The following C2CD5 variants were observed in gnomAD, a reference collection of about 807,000 sequenced individuals.
C2CD5 encodes the protein C2 domain-containing protein 5.
C2CD5 carries 109 observed loss-of-function variants against 130.3 expected under a neutral mutation model. The observed-to-expected ratio is 0.84, with a 90% CI of 0.72 to 0.98. The LOEUF (loss-of-function observed/expected upper bound fraction) is 0.98, where lower values mean the gene tolerates loss of function less well. C2CD5 is among the 50% of genes least tolerant of loss of function. The probability of loss-of-function intolerance (pLI) is 0.00; values close to 1 mark genes in which losing one functional copy is unlikely to be tolerated. For missense variants in C2CD5, 996 were observed against 1,261.8 expected (o/e 0.79, Z 3.19); for synonymous variants, 454 against 429.2 (o/e 1.06, Z -0.71).
intron 12 of C2CD5, 140 bp downstream of exon 12, chr12:22,489,983 T>C: frequency 1.8e-6 from 1 of 568,752 alleles, no homozygotes; most frequent in Non-Finnish European, 3.2e-6. Flanking sequence ...AGTTAAAAAT[T>C]AGTGAAGTGC....
At chr12:22,501,870 A>T (rs1947846348) in intron 10 of C2CD5, among the ~76,000 whole-genome samples, 1 of 152,138 alleles carries the variant, frequency 6.6e-6, no homozygotes, top group Admixed American at 6.5e-5. Context: ...ATATTATCTA[A>T]AATTCTGAGC....
At chr12:22,454,258 A>T (rs902711499) in intron 25 of C2CD5, among the ~76,000 whole-genome samples, 4 of 152,136 alleles carry the variant, frequency 2.6e-5, no homozygotes, top group African/African-American at 9.7e-5. Context: ...TACTTTACAG[A>T]TGATAAAACT....
intron 2 of C2CD5, among the ~76,000 whole-genome samples, chr12:22,540,635 G>C (rs532420629): frequency 6.6e-6 from 1 of 152,314 alleles, no homozygotes; most frequent in East Asian, 1.9e-4. Flanking sequence ...AAGGCAGGTG[G>C]ATCACCTGAG....
At chr12:22,521,966 C>T (rs1190265490) in intron 7 of C2CD5, among the ~76,000 whole-genome samples, 2 of 152,150 alleles carry the variant, frequency 1.3e-5, no homozygotes, top group African/African-American at 4.8e-5. Flanking sequence ...CCTGACTATA[C>T]AACTCTGACT....
chr12:22,493,169 T>A, intron 11 of C2CD5, 54 bp downstream of exon 11: 1 of 990,844 alleles, frequency 1.0e-6, no homozygotes, highest in Non-Finnish European at 1.6e-6. Flanking sequence ...TTTTCCCCTT[T>A]CAGATGGCAG....
At chr12:22,542,875 G>A (rs1952537408) in intron 2 of C2CD5, among the ~76,000 whole-genome samples, 1 of 152,172 alleles carries the variant, frequency 6.6e-6, no homozygotes, top group Non-Finnish European at 1.5e-5. Flanking sequence ...GTACAGATCT[G>A]GCAATTATTA....
chr12:22,483,651 C>CT (rs1945048092), intron 13 of C2CD5, among the ~76,000 whole-genome samples: 1 of 151,960 alleles, frequency 6.6e-6, no homozygotes, highest in South Asian at 2.1e-4. Context: ...AATGGAAGGT[C>CT]TAAGATTCAA....
At chr12:22,498,126 A>G (rs571633712) in intron 10 of C2CD5, among the ~76,000 whole-genome samples, 1 of 152,156 alleles carries the variant, frequency 6.6e-6, no homozygotes, top group Non-Finnish European at 1.5e-5. Flanking sequence ...ACATCTGCTC[A>G]TAAGTATCTC....
Position 22,544,302 on chromosome 12 carries a change from C to T in C2CD5, c.-30+18G>A, listed in dbSNP as rs879029276. ...CGCGCGCGGGCGCCCGGCAGTCGCG[C>T]CACGGGTCGCCACTCACTGTCGCAG... is the stretch of plus-strand genomic sequence containing the variant. On this transcript the variant is annotated intron_variant, in intron 1 of 26. Transcript: ENST00000446597. 3.6e-6 allele frequency: 2 copies of T among 558,384 alleles called. No individual in the cohort carries two copies. Among genetic ancestry groups the T allele is most frequent in the East Asian group, 3.4e-5 (1 of 29,804 alleles). 34.6% of individuals were successfully genotyped at this position (558,384 alleles called of 1,614,324 possible).
intron 22 of C2CD5, among the ~76,000 whole-genome samples, chr12:22,462,442 G>GC (rs1388092496): frequency 6.6e-6 from 1 of 152,064 alleles, no homozygotes; most frequent in African/African-American, 2.4e-5. Flanking sequence ...AACCCTGCAA[G>GC]CCCCAAATAA....
rs569552784 is a variant in C2CD5 at position 22,514,206 on chromosome 12, C to CCCATCCCTTT, written c.953-837_953-828dup. On this transcript the variant is annotated intron_variant, in intron 8 of 26. Transcript: ENST00000446597. The stretch of plus-strand genomic sequence containing the variant: ...CAGTGCTCTACAGACTAGAGTTAAT[C>CCCATCCCTTT]CCATCCCTTTCAAAACGTAAGATGC... Among the ~76,000 whole-genome samples the CCCATCCCTTT allele has an allele frequency of 5.3e-5, 8 of 152,206 alleles. No individual in the cohort carries two copies. The South Asian group carries it at 1.2e-3, about 24-fold the overall frequency.
At chr12:22,497,666 G>C in intron 10 of C2CD5, 2 of 697,008 alleles carry the variant, frequency 2.9e-6, no homozygotes, top group Non-Finnish European at 3.5e-6. Context: ...GTTCAAAGGA[G>C]TATATAATCT....
chr12:22,461,090 G>A (rs1941052505), intron 22 of C2CD5, among the ~76,000 whole-genome samples: 1 of 152,208 alleles, frequency 6.6e-6, no homozygotes, highest in Non-Finnish European at 1.5e-5. Context: ...TCTAGGAGGA[G>A]ATGGGACCTA....
intron 10 of C2CD5, among the ~76,000 whole-genome samples, chr12:22,499,489 T>C (rs1382410317): frequency 6.6e-6 from 1 of 152,198 alleles, no homozygotes; most frequent in African/African-American, 2.4e-5. Context: ...GGTCTACTAT[T>C]ATAAAGCACT....
chr12:22,457,337 A>C (rs1253526208), intron 24 of C2CD5, among the ~76,000 whole-genome samples, 176 bp from the exon 25 acceptor site: 1 of 152,222 alleles, frequency 6.6e-6, no homozygotes, highest in Non-Finnish European at 1.5e-5. Flanking sequence ...ACAGAAAAAC[A>C]TGAGAGGAAA....
At chr12:22,464,769 A>T (rs1941771977) in intron 22 of C2CD5, among the ~76,000 whole-genome samples, 1 of 152,214 alleles carries the variant, frequency 6.6e-6, no homozygotes, top group South Asian at 2.1e-4. Context: ...AAATAGTAAT[A>T]ACAGACATGC....
At chr12:22,473,637 A>G (rs543846430) in intron 16 of C2CD5, among the ~76,000 whole-genome samples, 30 of 152,232 alleles carry the variant, frequency 2.0e-4, no homozygotes, top group Non-Finnish European at 3.8e-4. Flanking sequence ...CTTATCAATA[A>G]TGCCCTAGAT....
At chr12:22,459,241 G>C (rs1016888583) in intron 23 of C2CD5, among the ~76,000 whole-genome samples, 67 of 151,354 alleles carry the variant, frequency 4.4e-4, no homozygotes, top group Non-Finnish European at 3.1e-4. Flanking sequence ...CTGCTAAGCT[G>C]GAAAAAAAAT....
At position 22,457,106 on chromosome 12, in the gene C2CD5, A is replaced by G. The variant is rs1206821909; in HGVS notation, c.2742T>C (p.Ser914=). 6.2e-7 allele frequency: 1 copy of G among 1,611,516 alleles called. No homozygotes were observed. Among genetic ancestry groups the G allele is most frequent in the South Asian group, 1.1e-5 (1 of 90,412 alleles). Residue 914 remains serine, a synonymous_variant, in exon 25 of 27, where the codon TCT becomes TCC. Coordinates refer to ENST00000446597, the MANE Select transcript of C2CD5 (RefSeq NM_001286176.2). ...PVGDGNFRNR[S]APPCANSTVG... is the part of the protein sequence containing the mutation. ...CTGTGGAATTTGCACAAGGTGGAGC[A>G]GAACGATTCCGGAAATTTCCATCAC...
Sources: allele counts gnomAD v4.1 joint callset (sites outside exome capture counted in the v4.1 genomes callset), GRCh38; gene constraint gnomAD v4.1.1; transcripts MANE v1.5; gene names NCBI Gene and HGNC (gene_info 2026-07-23, HGNC 2026-07-21).